Variants in RAB3C observed in about 807,000 individuals in gnomAD.
The protein encoded by RAB3C is ras-related protein Rab-3C.
In RAB3C, 17 loss-of-function variants were observed where a neutral mutation model predicts 26.4. The ratio of observed to expected loss-of-function variants is 0.64; its 90% CI spans 0.44 to 0.97. The LOEUF (loss-of-function observed/expected upper bound fraction) is 0.97, where lower values mean the gene tolerates loss of function less well. RAB3C is among the 50% of genes least tolerant of loss of function. The pLI, the probability that RAB3C is intolerant of heterozygous loss-of-function variation, is 0.00. For missense variants in RAB3C, 242 were observed against 281.9 expected, an observed-to-expected ratio of 0.86 and a Z score of 1.01; for synonymous variants, 91 against 95.9, an observed-to-expected ratio of 0.95 and a Z score of 0.30.
At chr5:58,627,493 AAAAAAAAAAAAAAAAAAAAAAAAAAAC>A (rs1561271456) in intron 2 of RAB3C, among the ~76,000 whole-genome samples, 2 of 24,852 alleles carry the variant, frequency 8.0e-5, no homozygotes, top group Non-Finnish European at 1.1e-4. Context: ...AAAAAAAAAA[AAAAAAAAAAAAAAAAAAAAAAAAAAAC>A]ACAGCTTAAA....
intron 2 of RAB3C, among the ~76,000 whole-genome samples, chr5:58,661,347 A>G (rs2111806972): frequency 1.3e-5 from 2 of 150,234 alleles, no homozygotes; most frequent in Admixed American, 1.3e-4. Context: ...GGTATTTCTA[A>G]TATACATTTC....
intron 3 of RAB3C, among the ~76,000 whole-genome samples, chr5:58,818,614 G>A (rs962024052): frequency 2.6e-5 from 4 of 152,192 alleles, no homozygotes; most frequent in African/African-American, 9.7e-5. Flanking sequence ...TAACCATGGT[G>A]ACCAGCATAT....
chr5:58,614,953 C>G (rs555379875), intron 1 of RAB3C, among the ~76,000 whole-genome samples: 3 of 152,152 alleles, frequency 2.0e-5, no homozygotes, highest in African/African-American at 4.8e-5. Flanking sequence ...TATAAATAAT[C>G]TGTACATAAT....
At chr5:58,651,322 C>T (rs1390410590) in intron 2 of RAB3C, among the ~76,000 whole-genome samples, 1 of 152,064 alleles carries the variant, frequency 6.6e-6, no homozygotes, top group Admixed American at 6.6e-5. Flanking sequence ...TTTTCTGTCA[C>T]CATTAAATGA....
intron 3 of RAB3C, among the ~76,000 whole-genome samples, chr5:58,743,778 A>G (rs1741332586): frequency 6.6e-6 from 1 of 152,240 alleles, no homozygotes; most frequent in Non-Finnish European, 1.5e-5. Flanking sequence ...AGTGGATTGC[A>G]ATGTGAGGTC....
At chr5:58,667,301 G>A (rs1210152263) in intron 2 of RAB3C, among the ~76,000 whole-genome samples, 1 of 152,208 alleles carries the variant, frequency 6.6e-6, no homozygotes, top group Non-Finnish European at 1.5e-5. Context: ...GCTCTACTAA[G>A]CAGGCTTCTG....
intron 3 of RAB3C, chr5:58,823,011 A>T (rs1384152553): frequency 1.6e-6 from 1 of 613,428 alleles, no homozygotes; most frequent in South Asian, 1.4e-5. Context: ...GGAGCTGTTG[A>T]TAAAGGCTGT....
intron 3 of RAB3C, among the ~76,000 whole-genome samples, chr5:58,803,761 TA>T (rs1163783522): frequency 1.3e-5 from 2 of 152,254 alleles, no homozygotes; most frequent in Non-Finnish European, 2.9e-5. Context: ...CTGGGCTTCT[TA>T]AAAATATGAA....
At chr5:58,665,929 T>C (rs951738824) in intron 2 of RAB3C, among the ~76,000 whole-genome samples, 4 of 152,174 alleles carry the variant, frequency 2.6e-5, no homozygotes, top group Admixed American at 6.5e-5. Flanking sequence ...AATCCTTTAA[T>C]GTAGGAGTCA....
In RAB3C at chr5:58,729,618, T is replaced by C. The variant is rs571566878; in HGVS notation, c.371+3498T>C. Among the ~76,000 whole-genome samples the C allele has an allele frequency of 9.4e-5, 14 of 149,354 alleles. No individual in the cohort carries two copies. In the East Asian group the frequency reaches 2.7e-3, roughly 29 times the overall value. On this transcript the variant is annotated intron_variant, in intron 3 of 4. Transcript: ENST00000282878. ...ATATTTTATTATATGTAATAAAATA[T>C]ACATTATATATAACTTATATGTTAC...
intron 1 of RAB3C, among the ~76,000 whole-genome samples, chr5:58,606,118 A>T (rs1166336814): frequency 6.6e-6 from 1 of 152,180 alleles, no homozygotes; most frequent in African/African-American, 2.4e-5. Flanking sequence ...GGGAAGCACA[A>T]GGGGTCAGGG....
chr5:58,839,277 C>T (rs978746193), intron 4 of RAB3C, among the ~76,000 whole-genome samples: 2 of 151,450 alleles, frequency 1.3e-5, no homozygotes, highest in African/African-American at 4.8e-5. Context: ...TTTTATATAT[C>T]TTTTGTTTCT....
chr5:58,631,632 A>T (rs547494717), intron 2 of RAB3C, among the ~76,000 whole-genome samples: 2 of 152,280 alleles, frequency 1.3e-5, no homozygotes, highest in South Asian at 4.2e-4. Context: ...ACTTTACTGT[A>T]ATTGAGGGGG....
chr5:58,733,030 G>T (rs1481055011), intron 3 of RAB3C, among the ~76,000 whole-genome samples: 2 of 152,148 alleles, frequency 1.3e-5, no homozygotes, highest in African/African-American at 4.8e-5. Flanking sequence ...GAGTAGGTTA[G>T]TTGCTTATGT....
chr5:58,635,435 A>G (rs908747416), intron 2 of RAB3C, among the ~76,000 whole-genome samples: 1 of 152,188 alleles, frequency 6.6e-6, no homozygotes, highest in Non-Finnish European at 1.5e-5. Context: ...CTGCCTCCAA[A>G]AAAACCCTTT....
intron 1 of RAB3C, among the ~76,000 whole-genome samples, chr5:58,612,510 GTGTGTGTGTGTATATATA>G (rs1197697226): frequency 6.3e-4 from 39 of 61,504 alleles, no homozygotes; most frequent in Admixed American, 1.6e-3. Flanking sequence ...GTGTGTGTGT[GTGTGTGTGTGTATATATA>G]TATATATATA....
intron 3 of RAB3C, among the ~76,000 whole-genome samples, chr5:58,754,075 A>G (rs1741593832): frequency 6.6e-6 from 1 of 152,048 alleles, no homozygotes; most frequent in Non-Finnish European, 1.5e-5. Context: ...CTTCTATTTG[A>G]GAGGGGAGAG....
chr5:58,601,904 G>T (rs1746465941), intron 1 of RAB3C, among the ~76,000 whole-genome samples: 1 of 151,634 alleles, frequency 6.6e-6, no homozygotes, highest in South Asian at 2.1e-4. Flanking sequence ...TTTTGTGTTT[G>T]TTTTTTTCTT....
intron 2 of RAB3C, among the ~76,000 whole-genome samples, chr5:58,680,791 T>A (rs1439909604): frequency 6.6e-6 from 1 of 152,138 alleles, no homozygotes; most frequent in East Asian, 1.9e-4. Flanking sequence ...TGTGGGCCCA[T>A]TCAGATAATC....
Sources: gnomAD v4.1 joint callset for allele counts (sites outside exome capture counted in the v4.1 genomes callset) on GRCh38, gnomAD v4.1.1 for gene constraint, MANE v1.5 for transcripts, NCBI Gene and HGNC (gene_info 2026-07-23, HGNC 2026-07-21) for gene names.